NGEF: variants seen among roughly 807,000 people sequenced by gnomAD.
NGEF encodes neuronal guanine nucleotide exchange factor.
Under a neutral mutation model 80.9 loss-of-function variants are expected in NGEF, and 31 were observed. The ratio of observed to expected loss-of-function variants is 0.38; its 90% confidence interval spans 0.29 to 0.52. The LOEUF is 0.52. Ranked by LOEUF, NGEF falls within the 20% of genes least tolerant of loss-of-function variation. The pLI is 0.84. For synonymous variants in NGEF, 371 were observed against 370.2 expected, an observed-to-expected ratio of 1.00 and a Z score of -0.03; for missense variants, 709 against 926.2, an observed-to-expected ratio of 0.77 and a Z score of 3.04.
chr2:232,929,164 G>C (rs866578002), intron 3 of NGEF, among the ~76,000 whole-genome samples: 12 of 152,364 alleles, frequency 7.9e-5, no homozygotes, highest in African/African-American at 2.9e-4. Flanking sequence ...AACCCCAGGG[G>C]CAGGGGTGGA....
At chr2:232,908,683 G>A (rs1437906245) in intron 5 of NGEF, among the ~76,000 whole-genome samples, 2 of 151,884 alleles carry the variant, frequency 1.3e-5, no homozygotes, top group Non-Finnish European at 2.9e-5. Flanking sequence ...GGGATTATAG[G>A]CATGAGCCAC....
At chr2:232,938,975 C>T (rs1232676725) in intron 3 of NGEF, among the ~76,000 whole-genome samples, 2 of 151,704 alleles carry the variant, frequency 1.3e-5, no homozygotes, top group Non-Finnish European at 2.9e-5. Flanking sequence ...TTCAGGAGTT[C>T]GAGACCAGCC....
At chr2:232,901,711 C>G (rs1692362512) in intron 5 of NGEF, among the ~76,000 whole-genome samples, 1 of 152,252 alleles carries the variant, frequency 6.6e-6, no homozygotes. Context: ...ACCCCCAGTC[C>G]TGGGCATCAG....
intron 3 of NGEF, among the ~76,000 whole-genome samples, chr2:232,968,931 C>G (rs1694123574): frequency 6.6e-6 from 1 of 152,214 alleles, no homozygotes; most frequent in Non-Finnish European, 1.5e-5. Context: ...CTTTGGCAGT[C>G]ACCTTGACAG....
chr2:232,945,572 C>T (rs888483034), intron 3 of NGEF, among the ~76,000 whole-genome samples: 7 of 152,080 alleles, frequency 4.6e-5, no homozygotes, highest in African/African-American at 1.7e-4. Context: ...CCAAGGAGTG[C>T]CAAGGGTGCC....
intron 1 of NGEF, chr2:233,012,663 G>C (rs1298394033): frequency 2.8e-6 from 1 of 358,416 alleles, no homozygotes; most frequent in Non-Finnish European, 5.4e-6. Flanking sequence ...CCTGTTCTTA[G>C]AAGGTGCCCC....
At chr2:233,004,506 T>C (rs1695047706) in intron 1 of NGEF, among the ~76,000 whole-genome samples, 1 of 152,220 alleles carries the variant, frequency 6.6e-6, no homozygotes, top group South Asian at 2.1e-4. Flanking sequence ...CAGGGTCCTC[T>C]TCCTGTCTAG....
intron 4 of NGEF, among the ~76,000 whole-genome samples, chr2:232,921,917 A>G (rs999808950): frequency 3.0e-4 from 45 of 152,134 alleles, no homozygotes; most frequent in African/African-American, 1.1e-3. Context: ...ACAAGATAGA[A>G]TAACATTCAG....
chr2:232,927,928 G>A, intron 3 of NGEF: 2 of 1,339,554 alleles, frequency 1.5e-6, no homozygotes, highest in Non-Finnish European at 1.9e-6. Flanking sequence ...AGTCGCGCGC[G>A]TCGCTTTCCG....
At chr2:232,900,867 A>T (rs969606356) in intron 5 of NGEF, among the ~76,000 whole-genome samples, 1 of 152,214 alleles carries the variant, frequency 6.6e-6, no homozygotes, top group Non-Finnish European at 1.5e-5. Context: ...GGCCAGGACC[A>T]GGACCTGAAG....
At chr2:233,001,671 A>G (rs1694981385) in intron 1 of NGEF, among the ~76,000 whole-genome samples, 1 of 152,224 alleles carries the variant, frequency 6.6e-6, no homozygotes, top group Non-Finnish European at 1.5e-5. Flanking sequence ...ATGTGTTTTT[A>G]AAAACGAGCA....
chr2:232,969,099 T>A (rs1483645583), intron 3 of NGEF, among the ~76,000 whole-genome samples: 1 of 152,186 alleles, frequency 6.6e-6, no homozygotes. Context: ...CGGTACTGAC[T>A]GATACAATAC....
intron 3 of NGEF, among the ~76,000 whole-genome samples, chr2:232,942,947 C>G (rs1332022648): frequency 6.9e-6 from 1 of 145,472 alleles, no homozygotes; most frequent in Admixed American, 6.9e-5. Flanking sequence ...ATCCCTCCCC[C>G]GAACTGACCA....
At chr2:232,932,847 T>C (rs1693245093) in intron 3 of NGEF, among the ~76,000 whole-genome samples, 2 of 151,984 alleles carry the variant, frequency 1.3e-5, no homozygotes, top group Admixed American at 1.3e-4. Flanking sequence ...CTCACACCTT[T>C]AATCCCAGCA....
intron 3 of NGEF, among the ~76,000 whole-genome samples, 160 bp from the exon 4 acceptor site, chr2:232,927,346 G>C (rs538488365): frequency 6.6e-6 from 1 of 152,174 alleles, no homozygotes; most frequent in Non-Finnish European, 1.5e-5. Context: ...CCTCCCGGCC[G>C]GGCGGGCCCC....
rs549349323 is a variant in NGEF at position 232,901,352 on chromosome 2, C to T, written c.829-6436G>A. 247 of 985,320 alleles carry T rather than the reference C, an allele frequency of 2.5e-4. 1 individual carries two copies. In the East Asian group the frequency reaches 3.7e-3, roughly 15 times the overall value. 61.0% of individuals were successfully genotyped at this position (985,320 alleles called of 1,614,324 possible). ...TCGAGGCTGCGCGATTTCTCCTCCCCGCTCTTTACCTACACGGTCTCCTTA... is the reference window on the plus strand; with the variant it reads ...TCGAGGCTGCGCGATTTCTCCTCCCTGCTCTTTACCTACACGGTCTCCTTA... On this transcript the variant is annotated intron_variant, in intron 5 of 14. Transcript: ENST00000264051.
intron 5 of NGEF, among the ~76,000 whole-genome samples, chr2:232,912,994 T>A (rs1051308895): frequency 5.3e-5 from 8 of 152,214 alleles, no homozygotes; most frequent in Non-Finnish European, 1.0e-4. Context: ...AAATTTCCCA[T>A]GTTGTTGATT....
intron 3 of NGEF, among the ~76,000 whole-genome samples, chr2:232,955,933 A>G (rs1256167192): frequency 2.0e-5 from 3 of 152,170 alleles, no homozygotes; most frequent in Non-Finnish European, 4.4e-5. Context: ...AAGGGTTTGC[A>G]TCTTGGGCTG....
At chr2:232,955,565 C>G (rs1404168616) in intron 3 of NGEF, among the ~76,000 whole-genome samples, 1 of 152,124 alleles carries the variant, frequency 6.6e-6, no homozygotes, top group Admixed American at 6.6e-5. Context: ...GCTCTGTTGC[C>G]CAGGCTGGAG....
Sources: allele counts gnomAD v4.1 joint callset (sites outside exome capture counted in the v4.1 genomes callset), GRCh38; gene constraint gnomAD v4.1.1; transcripts MANE v1.5; gene names NCBI Gene and HGNC (gene_info 2026-07-23, HGNC 2026-07-21).